GBE1: variants seen among roughly 807,000 people sequenced by gnomAD.
GBE1 encodes the protein 1,4-alpha-glucan branching enzyme 1.
In GBE1, 70 loss-of-function variants were observed where a neutral mutation model predicts 88.8. The observed-to-expected ratio is 0.79, with a 90% confidence interval of 0.65 to 0.96. The LOEUF is 0.96. Among genes scored for constraint, GBE1 ranks in the 40% least tolerant of loss-of-function variants. GBE1 has a pLI of 0.00. For synonymous variants in GBE1, 284 were observed against 300.1 expected (o/e 0.95, Z 0.56); for missense variants, 872 against 871.0 (o/e 1.00, Z -0.01).
chr3:81,542,873 G>T (rs1703159849), intron 12 of GBE1, among the ~76,000 whole-genome samples: 1 of 151,902 alleles, frequency 6.6e-6, no homozygotes, highest in Admixed American at 6.6e-5. Context: ...TTTTTAAAAA[G>T]TAACTAATTT....
At chr3:81,728,417 T>C (rs1437389001) in intron 1 of GBE1, among the ~76,000 whole-genome samples, 2 of 152,192 alleles carry the variant, frequency 1.3e-5, no homozygotes, top group African/African-American at 4.8e-5. Context: ...ACCACAGATC[T>C]ATCCTAACAG....
chr3:81,658,318 C>T (rs1704971997), intron 3 of GBE1, among the ~76,000 whole-genome samples: 1 of 151,930 alleles, frequency 6.6e-6, no homozygotes, highest in African/African-American at 2.4e-5. Context: ...TTATACAAAA[C>T]TTTGGGATAA....
intron 12 of GBE1, among the ~76,000 whole-genome samples, chr3:81,556,591 G>A (rs1703351737): frequency 6.6e-6 from 1 of 151,976 alleles, no homozygotes; most frequent in Non-Finnish European, 1.5e-5. Flanking sequence ...TACTATCCAG[G>A]AATATATACA....
At chr3:81,531,058 TCTTTC>T (rs979718070) in intron 14 of GBE1, among the ~76,000 whole-genome samples, 3 of 150,778 alleles carry the variant, frequency 2.0e-5, no homozygotes, top group African/African-American at 7.3e-5. Flanking sequence ...TTCACTCTTC[TCTTTC>T]CTTTCCTCAA....
chr3:81,628,301 C>T (rs1480909086), intron 7 of GBE1, among the ~76,000 whole-genome samples: 1 of 152,020 alleles, frequency 6.6e-6, no homozygotes, highest in African/African-American at 2.4e-5. Flanking sequence ...GTCTCTACAA[C>T]AAAAAGTTAC....
intron 3 of GBE1, among the ~76,000 whole-genome samples, chr3:81,653,542 T>C (rs1245938084): frequency 2.6e-5 from 4 of 151,900 alleles, no homozygotes; most frequent in Non-Finnish European, 5.9e-5. Flanking sequence ...GCAATACTAA[T>C]TATAAAAGCT....
At chr3:81,527,420 A>G (rs1410832882) in intron 14 of GBE1, among the ~76,000 whole-genome samples, 4 of 152,182 alleles carry the variant, frequency 2.6e-5, no homozygotes, top group African/African-American at 9.6e-5. Flanking sequence ...AACTACCATC[A>G]GAGTGAACAG....
chr3:81,538,626 G>A (rs1157878758), intron 12 of GBE1, among the ~76,000 whole-genome samples: 5 of 151,926 alleles, frequency 3.3e-5, no homozygotes, highest in Admixed American at 1.3e-4. Context: ...AAGGTATACC[G>A]ATGGCACAGC....
chr3:81,520,507 A>G (rs147525572), intron 14 of GBE1, among the ~76,000 whole-genome samples: 1 of 151,678 alleles, frequency 6.6e-6, no homozygotes, highest in African/African-American at 2.4e-5. Flanking sequence ...TCTTGGGAAC[A>G]GAGTATTCTT....
intron 1 of GBE1, among the ~76,000 whole-genome samples, chr3:81,724,715 G>C (rs964274788): frequency 6.6e-6 from 1 of 151,432 alleles, no homozygotes; most frequent in Non-Finnish European, 1.5e-5. Flanking sequence ...TGAAAGAAAA[G>C]AAATTTCATT....
chr3:81,750,539 G>GTATATA (rs71108342), intron 1 of GBE1, among the ~76,000 whole-genome samples: 1 of 66,400 alleles, frequency 1.5e-5, no homozygotes, highest in African/African-American at 9.7e-5. Flanking sequence ...ATATATATAC[G>GTATATA]TATATATATA....
intron 3 of GBE1, among the ~76,000 whole-genome samples, chr3:81,663,764 G>A (rs915957146): frequency 3.9e-5 from 6 of 152,150 alleles, no homozygotes; most frequent in East Asian, 1.9e-4. Flanking sequence ...AGGCACTGCC[G>A]TGGGGTTGGA....
At chr3:81,501,677 T>A (rs1014845919) in intron 14 of GBE1, among the ~76,000 whole-genome samples, 2 of 143,354 alleles carry the variant, frequency 1.4e-5, no homozygotes, top group African/African-American at 2.6e-5. Context: ...CCTCATTTAC[T>A]TAGGGGCACT....
At chr3:81,643,022 T>C (rs1173129489) in intron 6 of GBE1, 32 bp from the exon 7 acceptor site, 1 of 1,439,572 alleles carries the variant, frequency 6.9e-7, no homozygotes, top group African/African-American at 1.4e-5. Context: ...AAAAGAAGAT[T>C]ACATCACATT....
chr3:81,694,508 G>A (rs1705565902), intron 2 of GBE1, among the ~76,000 whole-genome samples: 1 of 152,092 alleles, frequency 6.6e-6, no homozygotes, highest in Non-Finnish European at 1.5e-5. Context: ...CCAGCTCCCC[G>A]CCTCCTTCTA....
intron 3 of GBE1, among the ~76,000 whole-genome samples, chr3:81,657,145 A>AC (rs1410984197): frequency 2.7e-5 from 4 of 150,086 alleles, no homozygotes; most frequent in Admixed American, 6.6e-5. Flanking sequence ...AAAAAAAAAA[A>AC]AAACAAAACA....
chr3:81,536,984 T>C lies in GBE1; in HGVS notation c.1730A>G (p.Tyr577Cys). The change falls in exon 13 of 16, where the codon TAC becomes TGC. Residue 577 changes from tyrosine to cysteine, a missense_variant. Physicochemically the swap from Tyr to Cys is radical, Grantham distance 194. Coordinates refer to ENST00000429644, the MANE Select transcript of GBE1 (RefSeq NM_000158.4). ...CCTGTCAAAATTATTTAGGAACTTG[T>C]AGCGAAGAAGGTCGTCGTCAGTTAA... is the stretch of plus-strand genomic sequence containing the variant. ...FHLTDDDLLRYKFLNNFDRDM... is the reference protein window; with the variant it reads ...FHLTDDDLLRCKFLNNFDRDM... The C allele has an allele frequency of 6.3e-7, 1 of 1,592,918 alleles. No homozygotes were observed. Among genetic ancestry groups the C allele is most frequent in the Non-Finnish European group, 8.5e-7 (1 of 1,170,888 alleles).
intron 11 of GBE1, 141 bp downstream of exon 11, chr3:81,581,024 T>TAC (rs199892746): frequency 2.5e-5 from 13 of 522,366 alleles, no homozygotes; most frequent in East Asian, 6.7e-5. Flanking sequence ...TATATATTAA[T>TAC]ACACACACAC....
At chr3:81,557,879 G>C (rs1206873768) in intron 12 of GBE1, among the ~76,000 whole-genome samples, 8 of 151,928 alleles carry the variant, frequency 5.3e-5, no homozygotes, top group Non-Finnish European at 1.2e-4. Context: ...AAAGAAGAAA[G>C]AGAAGGAGAA....
Sources: allele counts gnomAD v4.1 joint callset (sites outside exome capture counted in the v4.1 genomes callset), GRCh38; gene constraint gnomAD v4.1.1; transcripts MANE v1.5; gene names NCBI Gene and HGNC (gene_info 2026-07-23, HGNC 2026-07-21).